Variants in ESRRG observed in about 807,000 individuals in gnomAD.
ESRRG encodes the protein estrogen related receptor gamma, also known as estrogen-related receptor gamma.
A neutral mutation model predicts 44.0 loss-of-function variants in ESRRG; 13 were observed. That is an observed-to-expected ratio of 0.30 (90% CI 0.19 to 0.47). ESRRG has a LOEUF of 0.47. Ranked by LOEUF, ESRRG falls within the 20% of genes least tolerant of loss-of-function variation. The pLI, the probability that ESRRG is intolerant of heterozygous loss-of-function variation, is 1.00. For synonymous variants in ESRRG, 215 were observed against 214.6 expected (o/e 1.00, Z -0.02); for missense variants, 395 against 580.6 (o/e 0.68, Z 3.29).
chr1:217,079,609 G>T (rs1339296166), intron 1 of ESRRG, among the ~76,000 whole-genome samples: 3 of 152,138 alleles, frequency 2.0e-5, no homozygotes, highest in Admixed American at 2.0e-4. Flanking sequence ...ACCTACATGA[G>T]GTTGGAGTTT....
Position 216,567,992 on chromosome 1 carries a change from C to T in ESRRG, c.696G>A (p.Lys232=), listed in dbSNP as rs79583553. Reference sequence around the variant, plus strand: ...AGACACATCTGCTGTACTTACATGGCTTTTTGGCTGGCTGAACCAGCTGAG... The same window carrying T: ...AGACACATCTGCTGTACTTACATGGTTTTTTGGCTGGCTGAACCAGCTGAG... The part of the protein sequence containing the change: ...LNPQLVQPAK[K]PYNKIVSHLL... Residue 232 remains lysine (K), a synonymous_variant, in exon 4 of 7, where the codon AAG becomes AAA. Coordinates refer to ENST00000408911, the MANE Select transcript of ESRRG (RefSeq NM_001438.4). 1 of 1,608,606 alleles carries T rather than the reference C, an allele frequency of 6.2e-7. No homozygotes were observed. Among genetic ancestry groups the T allele is most frequent in the Non-Finnish European group, 8.5e-7 (1 of 1,175,122 alleles).
At position 216,519,297 on chromosome 1, in the gene ESRRG, A is replaced by G. The variant is rs1166225985; in HGVS notation, c.987T>C (p.Asp329=). 1.2e-6 allele frequency: 2 copies of G among 1,613,876 alleles called. No individual in the cohort carries two copies. The highest frequency in any genetic ancestry group is 2.2e-5 in the East Asian group (1 of 44,870). The change falls in exon 6 of 7, where the codon GAT becomes GAC. Residue 329 remains aspartate (D), a synonymous_variant. Transcript: ENST00000408911. The stretch of plus-strand genomic sequence containing the variant: ...TGGACTGGTCTTCGTCCATTATATA[A>G]TCGTCTGCATAGACAAGTTCATCCT... The part of the protein sequence containing the change: ...SFEDELVYAD[D]YIMDEDQSKL...
intron 2 of ESRRG, among the ~76,000 whole-genome samples, chr1:216,765,422 A>G (rs923634785): frequency 5.9e-5 from 9 of 152,254 alleles, no homozygotes; most frequent in African/African-American, 1.7e-4. Flanking sequence ...GATCACCCCT[A>G]GTCTTATAGA....
intron 1 of ESRRG, among the ~76,000 whole-genome samples, chr1:217,096,333 T>C (rs2092422397): frequency 6.6e-6 from 1 of 152,204 alleles, no homozygotes; most frequent in Non-Finnish European, 1.5e-5. Context: ...TGTCACCTGA[T>C]GCCACAAGCT....
intron 2 of ESRRG, among the ~76,000 whole-genome samples, chr1:216,796,629 C>G (rs1008988018): frequency 1.3e-5 from 2 of 152,130 alleles, no homozygotes; most frequent in South Asian, 2.1e-4. Flanking sequence ...ACTGTTTCTT[C>G]TAGCTTTAAT....
intron 1 of ESRRG, among the ~76,000 whole-genome samples, chr1:217,106,593 T>C (rs571102305): frequency 1.0e-3 from 159 of 152,290 alleles, no homozygotes; most frequent in African/African-American, 3.7e-3. Flanking sequence ...AAGAACCACA[T>C]GGATCAGGAG....
intron 1 of ESRRG, among the ~76,000 whole-genome samples, chr1:217,040,976 T>C (rs1193444131): frequency 6.6e-6 from 1 of 152,122 alleles, no homozygotes; most frequent in Non-Finnish European, 1.5e-5. Flanking sequence ...TGGCAATATA[T>C]CCCATTGCCC....
intron 2 of ESRRG, among the ~76,000 whole-genome samples, chr1:216,836,726 A>G (rs2095570957): frequency 6.6e-6 from 1 of 152,206 alleles, no homozygotes; most frequent in African/African-American, 2.4e-5. Context: ...GTGGCGGCAG[A>G]GTGAGCCCAG....
intron 3 of ESRRG, among the ~76,000 whole-genome samples, chr1:216,635,706 G>T (rs989729696): frequency 6.6e-6 from 1 of 152,078 alleles, no homozygotes; most frequent in African/African-American, 2.4e-5. Context: ...GTCACCTTCA[G>T]CTCTCCTGCA....
intron 2 of ESRRG, among the ~76,000 whole-genome samples, chr1:216,787,513 G>T (rs1297748046): frequency 6.8e-6 from 1 of 146,348 alleles, no homozygotes; most frequent in Non-Finnish European, 1.5e-5. Context: ...TGAGGCAGGA[G>T]AATTGCTTGA....
At chr1:216,824,976 C>T (rs1381507423) in intron 2 of ESRRG, among the ~76,000 whole-genome samples, 6 of 152,180 alleles carry the variant, frequency 3.9e-5, no homozygotes, top group Non-Finnish European at 5.9e-5. Context: ...GAATTCACTA[C>T]ATCAGGAGGT....
intron 1 of ESRRG, among the ~76,000 whole-genome samples, chr1:216,971,501 A>G (rs2071652951): frequency 6.6e-6 from 1 of 152,220 alleles, no homozygotes; most frequent in African/African-American, 2.4e-5. Context: ...ATAAAACAGA[A>G]AAGCCATGAA....
rs117662532 is a variant in ESRRG, at chr1:216,789,185, A to T, written c.-13-111694T>A. Among the ~76,000 whole-genome samples, 59 of 152,290 alleles carry T rather than the reference A, an allele frequency of 3.9e-4. 1 individual carries two copies. In the East Asian group the frequency reaches 8.5e-3, roughly 22 times the overall value. On this transcript the variant is annotated intron_variant, in intron 2 of 7. Transcript: ENST00000359162. ...TGTGGGTAAAATGCTATCAAGAAGCATTGCATGCAACAGAGAAATTATTCA... is the reference window on the plus strand; with the variant it reads ...TGTGGGTAAAATGCTATCAAGAAGCTTTGCATGCAACAGAGAAATTATTCA...
Position 216,547,253 on chromosome 1 carries a change from T to TTGA in ESRRG, c.862+16963_862+16965dup, listed in dbSNP as rs55716294. 4.9e-3 allele frequency among the ~76,000 whole-genome samples: 739 copies of TTGA among 150,848 alleles called. 7 individuals carry two copies. The highest frequency in any genetic ancestry group is 0.046 in the East Asian group (233 of 5,094). ...ATGTAGCTGGATGATGTTGATGTTGTTGATGATGATGATGATGATGATGAT... is the reference window on the plus strand; with the variant it reads ...ATGTAGCTGGATGATGTTGATGTTGTTGATGATGATGATGATGATGATGATGAT... On this transcript the variant is annotated intron_variant, in intron 5 of 6. Coordinates refer to ENST00000408911, the MANE Select transcript of ESRRG (RefSeq NM_001438.4).
intron 1 of ESRRG, among the ~76,000 whole-genome samples, chr1:216,697,471 A>T (rs1449727497): frequency 6.6e-6 from 1 of 152,182 alleles, no homozygotes; most frequent in Admixed American, 6.5e-5. Flanking sequence ...ATACCAAATG[A>T]TTTCCTTAAT....
chr1:217,126,966 C>T (rs937280476), intron 1 of ESRRG, among the ~76,000 whole-genome samples: 1 of 152,134 alleles, frequency 6.6e-6, no homozygotes, highest in Non-Finnish European at 1.5e-5. Context: ...TGTGATATTA[C>T]TTATTATTTA....
chr1:217,024,572 C>T (rs1278015027), intron 1 of ESRRG, among the ~76,000 whole-genome samples: 1 of 152,052 alleles, frequency 6.6e-6, no homozygotes, highest in Admixed American at 6.5e-5. Context: ...TCAAAATCAC[C>T]GTCAAATGCA....
chr1:217,125,911 C>G (rs1172058496), intron 1 of ESRRG, among the ~76,000 whole-genome samples: 3 of 152,158 alleles, frequency 2.0e-5, no homozygotes, highest in Non-Finnish European at 4.4e-5. Flanking sequence ...ATGAGAACCT[C>G]TTGTGGGTAT....
intron 1 of ESRRG, chr1:216,985,934 G>A (rs748238700): frequency 6.6e-6 from 1 of 152,170 alleles, no homozygotes; most frequent in Non-Finnish European, 1.5e-5. Context: ...CATGAAATAG[G>A]TAAAGACCAT....
Sources: allele counts gnomAD v4.1 joint callset (sites outside exome capture counted in the v4.1 genomes callset), GRCh38; gene constraint gnomAD v4.1.1; transcripts MANE v1.5; gene names NCBI Gene and HGNC (gene_info 2026-07-23, HGNC 2026-07-21).